Variants in AKT3 observed in about 807,000 individuals in gnomAD.
The protein encoded by AKT3 is RAC-gamma serine/threonine-protein kinase.
In AKT3, 15 loss-of-function variants were observed where a neutral mutation model predicts 65.3. The observed-to-expected ratio is 0.23, with a 90% CI of 0.15 to 0.35. The LOEUF is 0.35. Ranked by LOEUF, AKT3 falls within the 10% of genes least tolerant of loss-of-function variation. The pLI, the probability that AKT3 is intolerant of heterozygous loss-of-function variation, is 1.00. For missense variants in AKT3, 243 were observed against 576.5 expected (o/e 0.42, Z 5.92); for synonymous variants, 206 against 183.8 (o/e 1.12, Z -0.98).
chr1:243,574,643 A>T (rs961281945), intron 8 of AKT3, among the ~76,000 whole-genome samples: 8 of 152,146 alleles, frequency 5.3e-5, no homozygotes, highest in Admixed American at 2.6e-4. Flanking sequence ...GGGATATTTT[A>T]AAAAATTCAT....
At chr1:243,684,383 C>T (rs1386385768) in intron 3 of AKT3, among the ~76,000 whole-genome samples, 1 of 152,068 alleles carries the variant, frequency 6.6e-6, no homozygotes, top group Non-Finnish European at 1.5e-5. Context: ...GTTCAACTCC[C>T]ACTTATGAAT....
chr1:243,796,818 G>A (rs148736966), intron 2 of AKT3, among the ~76,000 whole-genome samples: 15 of 152,136 alleles, frequency 9.9e-5, no homozygotes, highest in South Asian at 8.3e-4. Flanking sequence ...AAGGAGATGC[G>A]GACATGTGCC....
intron 2 of AKT3, among the ~76,000 whole-genome samples, chr1:243,841,743 C>T (rs1321293857): frequency 6.6e-6 from 1 of 152,080 alleles, no homozygotes; most frequent in Admixed American, 6.5e-5. Flanking sequence ...ACTCTTTATT[C>T]GTACTAACCA....
intron 2 of AKT3, among the ~76,000 whole-genome samples, chr1:243,721,267 G>A (rs1686882451): frequency 6.6e-6 from 1 of 152,066 alleles, no homozygotes; most frequent in South Asian, 2.1e-4. Context: ...CTCATCAGAG[G>A]GGTCCTGTCC....
At chr1:243,597,658 A>G (rs1676718258) in intron 8 of AKT3, among the ~76,000 whole-genome samples, 1 of 152,078 alleles carries the variant, frequency 6.6e-6, no homozygotes. Context: ...TGGCTACCAC[A>G]CCTGGCTAAT....
At chr1:243,603,916 A>G (rs1220011240) in intron 8 of AKT3, among the ~76,000 whole-genome samples, 3 of 121,812 alleles carry the variant, frequency 2.5e-5, no homozygotes, top group Non-Finnish European at 5.0e-5. Flanking sequence ...TTTTTTTGAG[A>G]TGGAGTTTTG....
chr1:243,845,599 A>AAAAAAAAAAG (rs1056722848), intron 1 of AKT3, among the ~76,000 whole-genome samples: 3 of 146,630 alleles, frequency 2.0e-5, no homozygotes, highest in South Asian at 4.4e-4. Context: ...AAAAAAAAAA[A>AAAAAAAAAAG]AAAAGAAAAG....
intron 8 of AKT3, among the ~76,000 whole-genome samples, chr1:243,591,487 G>A (rs988786574): frequency 1.2e-4 from 18 of 152,100 alleles, no homozygotes; most frequent in Admixed American, 9.8e-4. Context: ...ATCTGACAAT[G>A]TAAAATTCAA....
At position 243,650,101 on chromosome 1, in the gene AKT3, C is replaced by G. The variant is rs138941839; in HGVS notation, c.285-4064G>C. On this transcript the variant is annotated intron_variant, in intron 4 of 13. Transcript: ENST00000673466. ...TTGTTTCCTGACTTTTTAATGATTG[C>G]CATTCTAACTGGTGTGAGATGGTAT... 8.5e-5 allele frequency among the ~76,000 whole-genome samples: 13 copies of G among 152,294 alleles called. No individual in the cohort carries two copies. The East Asian group carries it at 2.5e-3, about 29-fold the overall frequency.
intron 2 of AKT3, among the ~76,000 whole-genome samples, chr1:243,794,885 T>C (rs1333923385): frequency 6.6e-6 from 1 of 152,228 alleles, no homozygotes; most frequent in Non-Finnish European, 1.5e-5. Flanking sequence ...TAAATTCTGT[T>C]ACCACTCACG....
At chr1:243,742,994 GAAGGAGGTA>G (rs1688256153) in intron 2 of AKT3, among the ~76,000 whole-genome samples, 1 of 152,160 alleles carries the variant, frequency 6.6e-6, no homozygotes, top group East Asian at 1.9e-4. Flanking sequence ...GAAGAGGTCA[GAAGGAGGTA>G]GCTCTTAACT....
intron 6 of AKT3, among the ~76,000 whole-genome samples, 200 bp from the exon 7 acceptor site, chr1:243,615,361 T>C (rs1678216634): frequency 6.6e-6 from 1 of 152,184 alleles, no homozygotes; most frequent in Non-Finnish European, 1.5e-5. Context: ...ATTCAGATGA[T>C]TGTATAAGTT....
chr1:243,632,622 T>C (rs1679689737), intron 6 of AKT3, among the ~76,000 whole-genome samples: 1 of 152,220 alleles, frequency 6.6e-6, no homozygotes, highest in Non-Finnish European at 1.5e-5. Context: ...AATCTGCCCT[T>C]GGAAGCTTTA....
At chr1:243,849,144 A>C (rs1695638843) in intron 1 of AKT3, among the ~76,000 whole-genome samples, 1 of 152,140 alleles carries the variant, frequency 6.6e-6, no homozygotes, top group African/African-American at 2.4e-5. Flanking sequence ...TGGGCTCTGA[A>C]GGGCCCCACC....
chr1:243,782,788 G>T (rs1306347953), intron 2 of AKT3, among the ~76,000 whole-genome samples: 1 of 152,114 alleles, frequency 6.6e-6, no homozygotes, highest in Non-Finnish European at 1.5e-5. Flanking sequence ...ACTCACGCAT[G>T]CACACATACA....
intron 2 of AKT3, among the ~76,000 whole-genome samples, chr1:243,809,245 T>C (rs1198983850): frequency 1.3e-5 from 2 of 152,156 alleles, no homozygotes. Context: ...GCAAATTGGA[T>C]AAACAGTCAA....
intron 2 of AKT3, among the ~76,000 whole-genome samples, chr1:243,815,488 C>G (rs1044454995): frequency 6.6e-6 from 1 of 152,160 alleles, no homozygotes; most frequent in Non-Finnish European, 1.5e-5. Flanking sequence ...ACAGTCAACT[C>G]AAGGCTCTAC....
intron 1 of AKT3, among the ~76,000 whole-genome samples, chr1:243,847,048 G>A (rs1420682505): frequency 2.0e-5 from 3 of 152,302 alleles, no homozygotes; most frequent in African/African-American, 4.8e-5. Flanking sequence ...GTTGTCGGAA[G>A]ATTCAGGACT....
At chr1:243,786,343 T>C (rs751533536) in intron 2 of AKT3, among the ~76,000 whole-genome samples, 4 of 152,140 alleles carry the variant, frequency 2.6e-5, no homozygotes, top group South Asian at 2.1e-4. Context: ...TAATTGAAAA[T>C]AGAAGTAAAA....
Sources: gnomAD v4.1 joint callset for allele counts (sites outside exome capture counted in the v4.1 genomes callset) on GRCh38, gnomAD v4.1.1 for gene constraint, MANE v1.5 for transcripts, NCBI Gene and HGNC (gene_info 2026-07-23, HGNC 2026-07-21) for gene names.